Variants in EYS observed in about 807,000 individuals in gnomAD.
The protein encoded by EYS is protein eyes shut homolog.
Under a neutral mutation model 282.1 loss-of-function variants are expected in EYS, and 250 were observed. That is an observed-to-expected ratio of 0.89 (90% confidence interval 0.80 to 0.98). The LOEUF (loss-of-function observed/expected upper bound fraction) is 0.98, where lower values mean the gene tolerates loss of function less well. Ranked by LOEUF, EYS falls within the 50% of genes least tolerant of loss-of-function variation. The pLI is 0.00. For missense variants in EYS, 4,016 were observed against 3,709.0 expected, an observed-to-expected ratio of 1.08 and a Z score of -2.15; for synonymous variants, 1,355 against 1,282.9, an observed-to-expected ratio of 1.06 and a Z score of -1.20.
rs10580253 is a variant in EYS at position 63,946,726 on chromosome 6, ATTT to A, written c.7055+37654_7055+37656del. The stretch of plus-strand genomic sequence containing the variant: ...TGAATATAGTCTGGTTTTATGAACT[ATTT>A]TTTTTTTTTTTTTTTGGCTACATGA... On this transcript the variant is annotated intron_variant, in intron 35 of 42. Transcript: ENST00000503581. Among the ~76,000 whole-genome samples the A allele has an allele frequency of 7.2e-3, 978 of 135,620 alleles. 4 individuals carry two copies. The highest frequency in any genetic ancestry group is 0.024 in the Middle Eastern group (6 of 250). 89.0% of individuals were successfully genotyped at this position (135,620 alleles called of 152,430 possible). A position where few individuals can be genotyped will look rare whatever the true frequency, so the allele number is the denominator to read the frequency against.
chr6:64,620,541 A>C (rs944454031), intron 23 of EYS, among the ~76,000 whole-genome samples: 1 of 152,292 alleles, frequency 6.6e-6, no homozygotes, highest in South Asian at 2.1e-4. Flanking sequence ...CCTCTGCAGT[A>C]CAGGAAACCA....
intron 13 of EYS, among the ~76,000 whole-genome samples, chr6:65,015,097 C>T (rs11759967): frequency 0.068 from 10,309 of 152,190 alleles, 439 homozygotes; most frequent in East Asian, 0.13. Flanking sequence ...AGAAGCAACA[C>T]AACCCTGCAA....
At chr6:63,860,895 G>T (rs1222714989) in intron 36 of EYS, among the ~76,000 whole-genome samples, 2 of 151,678 alleles carry the variant, frequency 1.3e-5, no homozygotes, top group African/African-American at 2.4e-5. Context: ...GGATTTATCT[G>T]CTCTTTTAAA....
intron 1 of EYS, among the ~76,000 whole-genome samples, chr6:65,691,336 T>G (rs1051706574): frequency 6.6e-6 from 1 of 150,416 alleles, no homozygotes; most frequent in Non-Finnish European, 1.5e-5. Flanking sequence ...TGACCAGTGA[T>G]GATGAGCTTT....
Position 65,353,506 on chromosome 6 carries a change from C to G in EYS, c.1411G>C (p.Asp471His). ...CGVTFHGICQ[D>H]KGPAQFEYVW... is the part of the protein sequence containing the mutation. ...TATTCAAATTGAGCAGGACCTTTATCTTGGCAAATACCATGGAAGGTGACT... is the reference window on the plus strand; with the variant it reads ...TATTCAAATTGAGCAGGACCTTTATGTTGGCAAATACCATGGAAGGTGACT... The change falls in exon 9 of 43, where the codon GAT becomes CAT. Residue 471 changes from aspartate to histidine, a missense_variant. Physicochemically the swap from Asp to His is moderately conservative, Grantham distance 81. Coordinates refer to ENST00000503581, the MANE Select transcript of EYS (RefSeq NM_001142800.2). 5.0e-6 allele frequency: 8 copies of G among 1,613,248 alleles called. No individual in the cohort carries two copies. The highest frequency in any genetic ancestry group is 5.1e-6 in the Non-Finnish European group (6 of 1,179,500).
chr6:64,051,864 G>A (rs1386614684), intron 33 of EYS, among the ~76,000 whole-genome samples: 1 of 152,002 alleles, frequency 6.6e-6, no homozygotes, highest in Non-Finnish European at 1.5e-5. Context: ...TCACAGAGAG[G>A]GGAAAGATAA....
chr6:65,312,466 TCTTTTTCTTAAATACAAAAAAA>T (rs938627309), intron 11 of EYS, among the ~76,000 whole-genome samples: 2 of 152,154 alleles, frequency 1.3e-5, no homozygotes, highest in Non-Finnish European at 2.9e-5. Flanking sequence ...AATTTTGTAT[TCTTTTTCTTAAATACAAAAAAA>T]AGAGACCTCC....
At chr6:65,157,969 T>G (rs1764767942) in intron 12 of EYS, among the ~76,000 whole-genome samples, 1 of 150,908 alleles carries the variant, frequency 6.6e-6, no homozygotes, top group Non-Finnish European at 1.5e-5. Context: ...TGAAATTCAT[T>G]AATGCTATGT....
intron 12 of EYS, among the ~76,000 whole-genome samples, chr6:65,196,774 TCTCTGTCAATGTTACATTGGAGGA>T (rs2150243243): frequency 6.6e-6 from 1 of 152,174 alleles, no homozygotes; most frequent in East Asian, 1.9e-4. Context: ...ACAAATTATC[TCTCTGTCAATGTTACATTGGAGGA>T]AGCACCCAAA....
intron 13 of EYS, among the ~76,000 whole-genome samples, chr6:65,008,535 G>C (rs564567476): frequency 2.0e-5 from 3 of 152,272 alleles, no homozygotes; most frequent in South Asian, 2.1e-4. Context: ...AAAGGGAAAA[G>C]CTGGGAAAAT....
intron 24 of EYS, among the ~76,000 whole-genome samples, chr6:64,610,031 A>G (rs1485203355): frequency 6.6e-6 from 1 of 152,112 alleles, no homozygotes; most frequent in East Asian, 1.9e-4. Flanking sequence ...AAGAACACTG[A>G]TCTACCATTC....
chr6:65,411,192 T>C (rs1766998679), intron 5 of EYS, among the ~76,000 whole-genome samples: 1 of 152,034 alleles, frequency 6.6e-6, no homozygotes, highest in Non-Finnish European at 1.5e-5. Flanking sequence ...TCAGATAAAA[T>C]GTTGTTCAAC....
chr6:64,153,323 G>T lies in EYS; in HGVS notation c.6425-71321C>A, dbSNP rs886582226. Among the ~76,000 whole-genome samples the T allele has an allele frequency of 3.3e-5, 5 of 152,268 alleles. No homozygotes were observed. In the South Asian group the frequency reaches 1.0e-3, roughly 32 times the overall value. ...TATTTTGTAGATCACAATGAACAAT[G>T]ACTGAGGCAATTAGAATTAGTCTTT... On this transcript the variant is annotated intron_variant, in intron 31 of 42. Coordinates refer to ENST00000503581, the MANE Select transcript of EYS (RefSeq NM_001142800.2).
chr6:65,687,460 C>G (rs1042781920), intron 1 of EYS, among the ~76,000 whole-genome samples: 1 of 151,962 alleles, frequency 6.6e-6, no homozygotes, highest in Non-Finnish European at 1.5e-5. Flanking sequence ...AAATTACCAC[C>G]TCACTTTTCC....
intron 31 of EYS, among the ~76,000 whole-genome samples, chr6:64,135,212 C>CT (rs56780670): frequency 0.05 from 7,385 of 146,996 alleles, 320 homozygotes; most frequent in African/African-American, 0.12. Context: ...AGTAGTGGTG[C>CT]TTTTTTTTTT....
intron 32 of EYS, among the ~76,000 whole-genome samples, chr6:64,073,076 C>T (rs1771648045): frequency 1.3e-5 from 2 of 151,820 alleles, no homozygotes; most frequent in South Asian, 4.1e-4. Flanking sequence ...CCATTATGGA[C>T]TGTAGCTGCT....
chr6:65,130,786 C>A (rs1344722038), intron 12 of EYS, among the ~76,000 whole-genome samples: 6 of 149,272 alleles, frequency 4.0e-5, no homozygotes, highest in Admixed American at 3.4e-4. Context: ...GCACATGTAC[C>A]CTGGAACTAA....
chr6:65,212,410 A>G (rs1305194789), intron 12 of EYS, among the ~76,000 whole-genome samples: 3 of 152,186 alleles, frequency 2.0e-5, no homozygotes, highest in Admixed American at 6.5e-5. Flanking sequence ...GCTGAATCTA[A>G]TATTTTAATT....
intron 30 of EYS, among the ~76,000 whole-genome samples, chr6:64,264,954 T>A (rs948233236): frequency 6.6e-6 from 1 of 151,982 alleles, no homozygotes; most frequent in African/African-American, 2.4e-5. Flanking sequence ...GGCATGGATA[T>A]AGGAAGAGGT....
Sources: gnomAD v4.1 joint callset for allele counts (sites outside exome capture counted in the v4.1 genomes callset) on GRCh38, gnomAD v4.1.1 for gene constraint, MANE v1.5 for transcripts, NCBI Gene and HGNC (gene_info 2026-07-23, HGNC 2026-07-21) for gene names.